The following CLCN5 variants were observed in gnomAD, a reference collection of about 807,000 sequenced individuals.
CLCN5 encodes H(+)/Cl(-) exchange transporter 5.
Under a neutral mutation model 54.0 loss-of-function variants are expected in CLCN5, and 17 were observed. The ratio of observed to expected loss-of-function variants is 0.31; its 90% confidence interval spans 0.22 to 0.47. CLCN5 has a LOEUF of 0.47. CLCN5 is among the 20% of genes least tolerant of loss of function. CLCN5 has a pLI of 1.00. For synonymous variants in CLCN5, 222 were observed against 233.0 expected (o/e 0.95, Z 0.43); for missense variants, 448 against 646.7 (o/e 0.69, Z 3.33).
Position 50,086,607 on chromosome X carries a change from G to T in CLCN5, c.1294G>T (p.Val432Phe). Residue 432 changes from valine (V) to phenylalanine (F), a missense_variant, in exon 11 of 15, where the codon GTC becomes TTC. Val to Phe is a conservative substitution (Grantham distance 50, BLOSUM62 -1). Transcript: ENST00000376091. ...LGKYPVIEVL[V>F]VTAITAILAF... ...CAAGTATCCTGTTATAGAGGTACTC[G>T]TCGTGACAGCCATCACTGCCATCCT... 8.3e-7 allele frequency: 1 copy of T among 1,210,796 alleles called. No individual in the cohort carries two copies. The highest frequency in any genetic ancestry group is 1.1e-6 in the Non-Finnish European group (1 of 895,159).
intron 4 of CLCN5, among the ~76,000 whole-genome samples, chrX:50,050,662 T>A (rs1932550297): frequency 1.1e-5 from 1 of 93,011 alleles, no homozygotes; most frequent in Admixed American, 1.1e-4. Flanking sequence ...CTTGGCTTTT[T>A]TTTTTTTTTT....
chrX:50,027,724 G>GTTT (rs200949603), intron 3 of CLCN5, among the ~76,000 whole-genome samples: 6 of 85,703 alleles, frequency 7.0e-5, no homozygotes, highest in African/African-American at 2.6e-4. Context: ...TTCATGCAGT[G>GTTT]TTTTTTTTTT....
intron 3 of CLCN5, among the ~76,000 whole-genome samples, chrX:49,931,030 TTC>T (rs1925618352): frequency 9.0e-6 from 1 of 111,251 alleles, no homozygotes; most frequent in Admixed American, 9.6e-5. Flanking sequence ...CTGGTGATCT[TTC>T]CAAACTTCCC....
intron 3 of CLCN5, among the ~76,000 whole-genome samples, chrX:49,938,052 G>T (rs1170273354): frequency 9.0e-6 from 1 of 111,661 alleles, no homozygotes; most frequent in African/African-American, 3.3e-5. Flanking sequence ...AATGAAGAGA[G>T]TTCCTTCACC....
intron 3 of CLCN5, among the ~76,000 whole-genome samples, chrX:49,980,483 A>T: frequency 8.9e-6 from 1 of 111,973 alleles, no homozygotes; most frequent in Non-Finnish European, 1.9e-5. Context: ...TAACAAATAG[A>T]TTAGGCATAA....
intron 3 of CLCN5, among the ~76,000 whole-genome samples, chrX:49,976,218 C>T (rs1426323166): frequency 1.8e-5 from 2 of 112,560 alleles, no homozygotes; most frequent in East Asian, 5.6e-4. Context: ...GAAGGAGAAA[C>T]TCTGGGAATG....
chrX:50,050,820 C>T (rs1187030842), intron 4 of CLCN5, among the ~76,000 whole-genome samples: 1 of 108,902 alleles, frequency 9.2e-6, no homozygotes. Context: ...CCTGCCACCA[C>T]GCCTGGCTAA....
chrX:49,928,456 C>T (rs1465209253), intron 3 of CLCN5, among the ~76,000 whole-genome samples: 3 of 111,817 alleles, frequency 2.7e-5, no homozygotes, highest in Non-Finnish European at 3.8e-5. Flanking sequence ...ATAATAAGTG[C>T]TCAGTAAAAT....
intron 5 of CLCN5, among the ~76,000 whole-genome samples, chrX:50,071,326 A>T (rs782312708): frequency 8.9e-6 from 1 of 111,829 alleles, no homozygotes; most frequent in Non-Finnish European, 1.9e-5. Flanking sequence ...TTTTCATAAG[A>T]TTTCTGCCAT....
intron 3 of CLCN5, among the ~76,000 whole-genome samples, chrX:49,942,502 T>C (rs1016020257): frequency 1.7e-4 from 18 of 108,828 alleles, no homozygotes; most frequent in African/African-American, 4.4e-4. Context: ...GTGCTGCACC[T>C]ATTAACTCAT....
intron 3 of CLCN5, among the ~76,000 whole-genome samples, chrX:49,994,441 C>T (rs782379000): frequency 2.3e-4 from 25 of 110,577 alleles, no homozygotes; most frequent in Non-Finnish European, 3.6e-4. Context: ...GTAGGAGAAC[C>T]AGAATACTGT....
At chrX:49,972,644 C>A (rs142416539) in intron 3 of CLCN5, among the ~76,000 whole-genome samples, 36 of 111,812 alleles carry the variant, frequency 3.2e-4, no homozygotes, top group African/African-American at 1.0e-3. Context: ...TGGATATGGG[C>A]CTCAACCCCA....
intron 3 of CLCN5, among the ~76,000 whole-genome samples, chrX:50,016,793 T>G (rs1930813007): frequency 9.2e-6 from 1 of 108,783 alleles, no homozygotes; most frequent in African/African-American, 3.3e-5. Context: ...CTCCATAGTT[T>G]AGCCTTTTCC....
intron 3 of CLCN5, among the ~76,000 whole-genome samples, chrX:50,031,089 T>A (rs1048327566): frequency 1.8e-5 from 2 of 111,878 alleles, no homozygotes; most frequent in African/African-American, 6.5e-5. Context: ...ATCTGAAGAA[T>A]CTCTGAGATA....
At chrX:49,945,450 AT>A (rs1355754169) in intron 3 of CLCN5, 44 of 100,394 alleles carry the variant, frequency 4.4e-4, no homozygotes, top group Admixed American at 4.3e-4. Flanking sequence ...CGCCCTTTCG[AT>A]TTTTTTTTTT....
At chrX:50,048,274 C>T (rs1247586667) in intron 4 of CLCN5, among the ~76,000 whole-genome samples, 2 of 112,607 alleles carry the variant, frequency 1.8e-5, no homozygotes, top group African/African-American at 3.2e-5. Context: ...GGAGCTCAGG[C>T]TGTAATGCTT....
rs181547679 is a variant in CLCN5, at chrX:49,998,788, C to T, written c.17-43528C>T. 2.7e-5 allele frequency among the ~76,000 whole-genome samples: 3 copies of T among 110,951 alleles called. No homozygotes were observed. The Middle Eastern group carries it at 0.014, about 511-fold the overall frequency. On this transcript the variant is annotated intron_variant, in intron 3 of 14. Coordinates refer to ENST00000376091, the MANE Select transcript of CLCN5 (RefSeq NM_001127898.4). ...TTTGTGGAGTCTGTGGGAGAGCAAG[C>T]CATCTTGCCTTCTTGTTATTTCTCT...
At chrX:50,080,752 T>C (rs782261029) in intron 8 of CLCN5, 36 bp downstream of exon 8, 2 of 1,119,824 alleles carry the variant, frequency 1.8e-6, no homozygotes, top group East Asian at 3.0e-5. Context: ...ATGGTTACAA[T>C]ATGAATACTT....
intron 3 of CLCN5, among the ~76,000 whole-genome samples, chrX:49,944,439 A>G (rs1482996878): frequency 1.9e-4 from 21 of 111,269 alleles, no homozygotes; most frequent in African/African-American, 6.6e-4. Flanking sequence ...TTCCAACACT[A>G]TGTTGAATAG....
Sources: allele counts gnomAD v4.1 joint callset (sites outside exome capture counted in the v4.1 genomes callset), GRCh38; gene constraint gnomAD v4.1.1; transcripts MANE v1.5; gene names NCBI Gene and HGNC (gene_info 2026-07-23, HGNC 2026-07-21).